FARSB: variants seen among roughly 807,000 people sequenced by gnomAD.
The protein encoded by FARSB is phenylalanine--tRNA ligase beta subunit.
A neutral mutation model predicts 69.6 loss-of-function variants in FARSB; 40 were observed. The observed-to-expected ratio is 0.57, with a 90% CI of 0.45 to 0.75. FARSB has a LOEUF of 0.75. Ranked by LOEUF, FARSB falls within the 30% of genes least tolerant of loss-of-function variation. The probability of loss-of-function intolerance (pLI) is 0.00; values close to 1 mark genes in which losing one functional copy is unlikely to be tolerated. For synonymous variants in FARSB, 235 were observed against 247.2 expected, an observed-to-expected ratio of 0.95 and a Z score of 0.46; for missense variants, 632 against 722.9, an observed-to-expected ratio of 0.87 and a Z score of 1.44.
chr2:222,626,787 A>G (rs1273831383), intron 10 of FARSB, among the ~76,000 whole-genome samples: 1 of 152,212 alleles, frequency 6.6e-6, no homozygotes, highest in Admixed American at 6.5e-5. Flanking sequence ...TAATCCCAGC[A>G]TTTTGGGAGG....
At position 222,613,874 on chromosome 2, in the gene FARSB, T is replaced by TA. The variant is rs1690924623; in HGVS notation, c.1398dup (p.Lys467Ter). 6.2e-6 allele frequency: 10 copies of TA among 1,613,948 alleles called. No homozygotes were observed. Among genetic ancestry groups the TA allele is most frequent in the Non-Finnish European group, 8.5e-6 (10 of 1,179,840 alleles). The stretch of plus-strand genomic sequence containing the variant: ...AACAGTTTCAGTGGAAGGGGCATCT[T>TA]ACGATTTGCTGCTATGGTCTTCAGG... On this transcript the variant is annotated frameshift_variant, in exon 15 of 17. Coordinates refer to ENST00000281828, the MANE Select transcript of FARSB (RefSeq NM_005687.5). LOFTEE classifies it high-confidence loss of function.
At chr2:222,612,663 T>C (rs1198845060) in intron 15 of FARSB, among the ~76,000 whole-genome samples, 1 of 152,220 alleles carries the variant, frequency 6.6e-6, no homozygotes, top group East Asian at 1.9e-4. Context: ...TAGTAATTGA[T>C]CTGTTAAATC....
rs887663038 is a variant in FARSB at position 222,571,715 on chromosome 2, G to GGGAAA, written c.*151_*155dup. On this transcript the variant is annotated 3_prime_UTR_variant, in exon 17 of 17. Coordinates refer to ENST00000281828, the MANE Select transcript of FARSB (RefSeq NM_005687.5). ...ATGGCACAAGCTGGCCTAATATGCAGGGAAAGGATGGTCTCTACCCACACA... is the reference window on the plus strand; with the variant it reads ...ATGGCACAAGCTGGCCTAATATGCAGGGAAAGGAAAGGATGGTCTCTACCCACACA... 5.2e-5 allele frequency: 33 copies of GGGAAA among 631,714 alleles called. No homozygotes were observed. The African/African-American group carries it at 6.0e-4, about 12-fold the overall frequency. The allele number at this position is 631,714 out of a possible 1,614,324, so 39.1% of individuals were successfully genotyped here. A position where few individuals can be genotyped will look rare whatever the true frequency, so the allele number is the denominator to read the frequency against.
At chr2:222,595,029 G>A (rs1690375079) in intron 16 of FARSB, among the ~76,000 whole-genome samples, 1 of 152,188 alleles carries the variant, frequency 6.6e-6, no homozygotes, top group African/African-American at 2.4e-5. Context: ...AAAAATGATA[G>A]TATTTGAAAG....
At position 222,611,408 on chromosome 2, in the gene FARSB, GTTCT is replaced by G. The variant is rs1321567223; in HGVS notation, c.1462+2399_1462+2402del. On this transcript the variant is annotated intron_variant, in intron 15 of 16. Transcript: ENST00000281828. ...TCTGGGATAATCACCTAAGTAATTT[GTTCT>G]TTCTTTCTTTCCTTTCTTTCTTCTT... Among the ~76,000 whole-genome samples the G allele has an allele frequency of 6.0e-5, 7 of 115,832 alleles. No homozygotes were observed. The East Asian group carries it at 8.3e-4, about 14-fold the overall frequency. The allele number at this position is 115,832 out of a possible 152,430, so 76.0% of individuals were successfully genotyped here. A position where few individuals can be genotyped will look rare whatever the true frequency, so the allele number is the denominator to read the frequency against.
intron 5 of FARSB, among the ~76,000 whole-genome samples, chr2:222,639,179 T>C (rs1452518677): frequency 6.6e-6 from 1 of 152,236 alleles, no homozygotes; most frequent in African/African-American, 2.4e-5. Context: ...ATTTCCATTT[T>C]AAAAATGATA....
chr2:222,582,302 T>C (rs546951089), intron 16 of FARSB, among the ~76,000 whole-genome samples: 2 of 152,178 alleles, frequency 1.3e-5, no homozygotes, highest in Admixed American at 1.3e-4. Context: ...GGCTGTCAGG[T>C]AAAACAAAGA....
intron 16 of FARSB, among the ~76,000 whole-genome samples, chr2:222,575,038 AG>A (rs1256793822): frequency 1.3e-5 from 2 of 152,360 alleles, no homozygotes; most frequent in South Asian, 4.1e-4. Context: ...ATTGCTTCAA[AG>A]GATAGAAGAG....
chr2:222,636,194 C>G (rs1691577864), intron 5 of FARSB, among the ~76,000 whole-genome samples: 2 of 151,776 alleles, frequency 1.3e-5, no homozygotes, highest in Admixed American at 6.6e-5. Flanking sequence ...ATCACAAGGT[C>G]AGGTGATCAA....
intron 15 of FARSB, among the ~76,000 whole-genome samples, chr2:222,607,633 G>A (rs527311334): frequency 1.1e-3 from 169 of 151,316 alleles, no homozygotes; most frequent in African/African-American, 3.8e-3. Flanking sequence ...GTAGGACTAA[G>A]GAGAAGTTGG....
chr2:222,648,146 CATT>C (rs1470102809), intron 2 of FARSB, among the ~76,000 whole-genome samples: 1 of 152,088 alleles, frequency 6.6e-6, no homozygotes, highest in East Asian at 1.9e-4. Context: ...AATAGATAAT[CATT>C]ATTAACAATA....
At chr2:222,623,754 A>G (rs1559207217) in intron 12 of FARSB, 24 bp from the exon 13 acceptor site, 4 of 1,405,180 alleles carry the variant, frequency 2.8e-6, no homozygotes, top group African/African-American at 2.8e-5. Context: ...CATCCACTTG[A>G]TTTCACCGCA....
chr2:222,647,279 A>G (rs561553984), intron 2 of FARSB, among the ~76,000 whole-genome samples: 1 of 152,302 alleles, frequency 6.6e-6, no homozygotes, highest in African/African-American at 2.4e-5. Flanking sequence ...TGGGACAGCT[A>G]GCCTCTGCTC....
intron 16 of FARSB, among the ~76,000 whole-genome samples, chr2:222,577,772 C>A (rs1338957717): frequency 6.6e-6 from 1 of 152,190 alleles, no homozygotes; most frequent in African/African-American, 2.4e-5. Flanking sequence ...AGAAATTTAT[C>A]ATTTATCATT....
chr2:222,631,549 G>T, intron 8 of FARSB, 55 bp downstream of exon 8: 1 of 965,728 alleles, frequency 1.0e-6, no homozygotes. Context: ...TCTTGGTCCG[G>T]AAATAAAATC....
At chr2:222,613,398 A>T (rs1690907852) in intron 15 of FARSB, among the ~76,000 whole-genome samples, 1 of 152,140 alleles carries the variant, frequency 6.6e-6, no homozygotes, top group Non-Finnish European at 1.5e-5. Flanking sequence ...CACAAAAATT[A>T]GCCGGGTGTG....
chr2:222,598,454 G>A (rs1690479491), intron 16 of FARSB, among the ~76,000 whole-genome samples: 4 of 152,192 alleles, frequency 2.6e-5, no homozygotes, highest in African/African-American at 9.7e-5. Context: ...TACCATTTCA[G>A]CTCTTTGCAA....
At chr2:222,637,187 T>C (rs564988415) in intron 5 of FARSB, among the ~76,000 whole-genome samples, 10 of 151,856 alleles carry the variant, frequency 6.6e-5, no homozygotes, top group African/African-American at 2.2e-4. Context: ...GAGCAAAATA[T>C]ATGGAGCAAT....
intron 16 of FARSB, among the ~76,000 whole-genome samples, chr2:222,578,772 GA>G (rs1460119022): frequency 6.6e-6 from 1 of 151,898 alleles, no homozygotes; most frequent in Non-Finnish European, 1.5e-5. Flanking sequence ...GAGGTCAGGA[GA>G]TCGAGACCAT....
Sources: allele counts gnomAD v4.1 joint callset (sites outside exome capture counted in the v4.1 genomes callset), GRCh38; gene constraint gnomAD v4.1.1; transcripts MANE v1.5; gene names NCBI Gene and HGNC (gene_info 2026-07-23, HGNC 2026-07-21).